F3: variants seen among roughly 807,000 people sequenced by gnomAD.
F3 encodes coagulation factor III, tissue factor.
Under a neutral mutation model 33.5 loss-of-function variants are expected in F3, and 18 were observed. That is an observed-to-expected ratio of 0.54 (90% CI 0.37 to 0.80). F3 has a LOEUF of 0.80. F3 is among the 30% of genes least tolerant of loss of function. The probability of loss-of-function intolerance (pLI) is 0.00; values close to 1 mark genes in which losing one functional copy is unlikely to be tolerated. For synonymous variants in F3, 147 were observed against 140.7 expected, an observed-to-expected ratio of 1.05 and a Z score of -0.32; for missense variants, 353 against 362.1, an observed-to-expected ratio of 0.97 and a Z score of 0.20.
intron 1 of F3, chr1:94,541,117 A>C: frequency 1.2e-5 from 2 of 161,642 alleles, no homozygotes; most frequent in East Asian, 1.8e-4. Context: ...TATTAAGGGA[A>C]GATGCACATA....
Position 94,532,616 on chromosome 1 carries a change from G to A in F3, c.592-136C>T, listed in dbSNP as rs1651464702. The A allele has an allele frequency of 2.0e-5, 18 of 913,306 alleles. No homozygotes were observed. In the South Asian group the frequency reaches 3.1e-4, roughly 16 times the overall value. The allele number at this position is 913,306 out of a possible 1,614,324, so 56.6% of individuals were successfully genotyped here. On this transcript the variant is annotated intron_variant, in intron 4 of 5. Coordinates refer to ENST00000334047, the MANE Select transcript of F3 (RefSeq NM_001993.5). ...ACAGCTGACACGTGAAGGATTAGAAGTGACTTCGCTAATCAGTTTCCCTTG... is the reference window on the plus strand; with the variant it reads ...ACAGCTGACACGTGAAGGATTAGAAATGACTTCGCTAATCAGTTTCCCTTG...
intron 3 of F3, 22 bp from the exon 4 acceptor site, chr1:94,533,290 T>G (rs1651489538): frequency 1.3e-6 from 2 of 1,597,960 alleles, no homozygotes; most frequent in Non-Finnish European, 1.7e-6. Flanking sequence ...GAAATGAGCT[T>G]GGTTGGAACC....
At chr1:94,532,867 G>A (rs1008438928) in intron 4 of F3, 3 of 571,998 alleles carry the variant, frequency 5.2e-6, no homozygotes, top group Non-Finnish European at 9.1e-6. Flanking sequence ...TGAGGAACCT[G>A]GGTCTCCGAG....
At chr1:94,535,558 T>C (rs1382240419) in intron 3 of F3, among the ~76,000 whole-genome samples, 1 of 151,858 alleles carries the variant, frequency 6.6e-6, no homozygotes, top group Non-Finnish European at 1.5e-5. Flanking sequence ...TTGGGAAAAA[T>C]CCTCAACTGG....
chr1:94,533,661 C>T (rs1368301608), intron 3 of F3, among the ~76,000 whole-genome samples: 1 of 151,988 alleles, frequency 6.6e-6, no homozygotes, highest in African/African-American at 2.4e-5. Flanking sequence ...AAGTGTGCCG[C>T]CTCCTACTTC....
Position 94,530,380 on chromosome 1 carries a change from G to A in F3, c.*80C>T, listed in dbSNP as rs41439746. ...TTCATGCTCCGAAATACTCATTTGC[G>A]TTTCCATGTATTCTATCCTCTTAAA... is the stretch of plus-strand genomic sequence containing the variant. On this transcript the variant is annotated 3_prime_UTR_variant, in exon 6 of 6. Coordinates refer to ENST00000334047, the MANE Select transcript of F3 (RefSeq NM_001993.5). The A allele has an allele frequency of 3.2e-3, 4,970 of 1,561,112 alleles. 46 individuals carry two copies. Among genetic ancestry groups the A allele is most frequent in the South Asian group, 0.016 (1,413 of 85,840 alleles).
At chr1:94,531,316 T>G (rs1557700304) in intron 5 of F3, among the ~76,000 whole-genome samples, 1 of 151,336 alleles carries the variant, frequency 6.6e-6, no homozygotes, top group Non-Finnish European at 1.5e-5. Context: ...TTTTTTTTTT[T>G]TTTGAGATGG....
intron 5 of F3, 73 bp from the exon 6 acceptor site, chr1:94,530,669 T>C: frequency 1.3e-6 from 2 of 1,571,760 alleles, no homozygotes; most frequent in Non-Finnish European, 1.7e-6. Context: ...ATTGACGGCA[T>C]AACCCCAAAT....
At chr1:94,538,142 G>T (rs776664525) in intron 2 of F3, among the ~76,000 whole-genome samples, 4 of 152,156 alleles carry the variant, frequency 2.6e-5, no homozygotes, top group Non-Finnish European at 5.9e-5. Context: ...AGCCTCCAAG[G>T]TTCCTCCAGG....
intron 3 of F3, among the ~76,000 whole-genome samples, chr1:94,535,419 A>T (rs1651572719): frequency 1.3e-5 from 2 of 152,142 alleles, no homozygotes; most frequent in Admixed American, 1.3e-4. Context: ...TGACAGGCAG[A>T]TGGCTGGGCA....
chr1:94,534,710 A>G (rs1048287173), intron 3 of F3, among the ~76,000 whole-genome samples: 1 of 152,168 alleles, frequency 6.6e-6, no homozygotes. Flanking sequence ...CAATTATCTC[A>G]TGTGCTTTGG....
intron 5 of F3, among the ~76,000 whole-genome samples, chr1:94,531,817 A>C (rs564180864): frequency 7.2e-5 from 11 of 152,196 alleles, no homozygotes; most frequent in Non-Finnish European, 1.5e-4. Flanking sequence ...ATATACACAC[A>C]TGCATGCATG....
In F3 at chr1:94,530,463, T is replaced by C. The variant is rs747690937; in HGVS notation, c.885A>G (p.Ser295=). ...AGTAGCTCCAACAGTGCTTCCTTTA[T>C]GAAACATTCAGTGGGGAGTTCTCCT... ...SWKENSPLNV[S] is the part of the protein sequence containing the mutation. Residue 295 remains serine (S), a synonymous_variant, in exon 6 of 6, where the codon TCA becomes TCG. Coordinates refer to ENST00000334047, the MANE Select transcript of F3 (RefSeq NM_001993.5). 1.9e-6 allele frequency: 3 copies of C among 1,614,164 alleles called. No individual in the cohort carries two copies. Among genetic ancestry groups the C allele is most frequent in the East Asian group, 2.2e-5 (1 of 44,872 alleles).
chr1:94,534,385 G>C (rs547435673), intron 3 of F3, among the ~76,000 whole-genome samples: 2 of 152,114 alleles, frequency 1.3e-5, no homozygotes, highest in Non-Finnish European at 2.9e-5. Context: ...ACAGGGAGTC[G>C]GTGCCTCTCA....
chr1:94,532,766 C>A (rs1651468417), intron 4 of F3, among the ~76,000 whole-genome samples: 4 of 152,236 alleles, frequency 2.6e-5, no homozygotes, highest in African/African-American at 9.6e-5. Flanking sequence ...TGCATTGAAC[C>A]AAAAACAAAT....
chr1:94,530,359 T>G lies in F3; in HGVS notation c.*101A>C, dbSNP rs1570859408. The G allele has an allele frequency of 6.7e-7, 1 of 1,482,786 alleles. No individual in the cohort carries two copies. The highest frequency in any genetic ancestry group is 2.3e-5 in the East Asian group (1 of 43,860). 91.9% of individuals were successfully genotyped at this position (1,482,786 alleles called of 1,614,324 possible). ...AGTTTTTTGAACTCCAGGGTCTTCA[T>G]GCTCCGAAATACTCATTTGCGTTTC... is the stretch of plus-strand genomic sequence containing the variant. On this transcript the variant is annotated 3_prime_UTR_variant, in exon 6 of 6. Transcript: ENST00000334047.
rs767150963 is a variant in F3 at position 94,533,155 on chromosome 1, G to A, written c.526C>T (p.Arg176Trp). ...ATTAAGTCCTTGCCAAAAACATCCC[G>A]GAGGCTTAGGAAAGTGTTGTTCCTT... is the stretch of plus-strand genomic sequence containing the variant. Reference protein sequence around the residue: ...VRRNNTFLSLRDVFGKDLIYT... With the variant: ...VRRNNTFLSLWDVFGKDLIYT... The change falls in exon 4 of 6, where the codon CGG becomes TGG. Residue 176 changes from arginine (R) to tryptophan (W), a missense_variant. Arg to Trp is a moderately radical substitution (Grantham distance 101). Transcript: ENST00000334047. The A allele has an allele frequency of 9.3e-6, 15 of 1,613,672 alleles. No homozygotes were observed. Among genetic ancestry groups the A allele is most frequent in the South Asian group, 5.5e-5 (5 of 90,938 alleles).
At chr1:94,536,774 A>G (rs1005312646) in intron 2 of F3, among the ~76,000 whole-genome samples, 2 of 152,214 alleles carry the variant, frequency 1.3e-5, no homozygotes, top group African/African-American at 4.8e-5. Context: ...TATTCTATGT[A>G]GAATAGAGTC....
chr1:94,530,621 A>G (rs1434936303), intron 5 of F3, 25 bp from the exon 6 acceptor site: 1 of 1,600,652 alleles, frequency 6.2e-7, no homozygotes, highest in Admixed American at 1.7e-5. Context: ...GCATCTAGTC[A>G]ACTTGGAGAG....
Sources: gnomAD v4.1 joint callset for allele counts (sites outside exome capture counted in the v4.1 genomes callset) on GRCh38, gnomAD v4.1.1 for gene constraint, MANE v1.5 for transcripts, NCBI Gene and HGNC (gene_info 2026-07-23, HGNC 2026-07-21) for gene names.